Variants in KCNT2 observed in about 807,000 individuals in gnomAD.
KCNT2 encodes potassium channel subfamily T member 2.
KCNT2 carries 67 observed loss-of-function variants against 153.8 expected under a neutral mutation model. The observed-to-expected ratio is 0.44, with a 90% CI of 0.36 to 0.53. KCNT2 has a LOEUF of 0.53. KCNT2 is among the 20% of genes least tolerant of loss of function. KCNT2 has a pLI of 0.00. For missense variants in KCNT2, 975 were observed against 1,354.8 expected (o/e 0.72, Z 4.40); for synonymous variants, 500 against 458.8 (o/e 1.09, Z -1.15).
Position 196,454,885 on chromosome 1 carries a change from AG to A in KCNT2, c.638+10407del, listed in dbSNP as rs1306735118. Among the ~76,000 whole-genome samples the A allele has an allele frequency of 3.3e-5, 5 of 152,050 alleles. No individual in the cohort carries two copies. In the East Asian group the frequency reaches 7.8e-4, roughly 24 times the overall value. On this transcript the variant is annotated intron_variant, in intron 8 of 27. Coordinates refer to ENST00000294725, the MANE Select transcript of KCNT2 (RefSeq NM_198503.5). ...CAAGGCAGAAATCAAGGTGTTGACC[AG>A]CCCAGGCTCACTACTAGAAGCTCTA...
chr1:196,242,970 G>A (rs1244257849), intron 26 of KCNT2, among the ~76,000 whole-genome samples: 2 of 152,140 alleles, frequency 1.3e-5, no homozygotes, highest in Non-Finnish European at 2.9e-5. Flanking sequence ...CACATTCAAT[G>A]AGTTTTGACA....
At chr1:196,470,672 A>C (rs577093930) in intron 5 of KCNT2, among the ~76,000 whole-genome samples, 2 of 152,238 alleles carry the variant, frequency 1.3e-5, no homozygotes, top group Admixed American at 1.3e-4. Context: ...CCAGTCAGGC[A>C]ACTTCAACCC....
intron 23 of KCNT2, among the ~76,000 whole-genome samples, chr1:196,283,973 G>A (rs1659377769): frequency 6.6e-6 from 1 of 151,524 alleles, no homozygotes; most frequent in African/African-American, 2.4e-5. Context: ...GCTCACACCT[G>A]TAATCTCAGC....
chr1:196,491,252 T>C (rs960496215), intron 2 of KCNT2, among the ~76,000 whole-genome samples: 5 of 152,040 alleles, frequency 3.3e-5, no homozygotes, highest in African/African-American at 1.2e-4. Flanking sequence ...GGGGCTTCCT[T>C]GGATATTCTG....
At chr1:196,420,714 T>A (rs1173023389) in intron 12 of KCNT2, among the ~76,000 whole-genome samples, 3 of 152,008 alleles carry the variant, frequency 2.0e-5, no homozygotes, top group South Asian at 2.1e-4. Flanking sequence ...TCAATAGAGA[T>A]ATGGACCAGG....
In KCNT2 at chr1:196,232,732, T is replaced by C. The variant is rs955315938; in HGVS notation, c.3296+3254A>G. 8.6e-5 allele frequency among the ~76,000 whole-genome samples: 13 copies of C among 151,512 alleles called. No homozygotes were observed. The South Asian group carries it at 1.2e-3, about 14-fold the overall frequency. ...GTGACATACATATTTTATTCATAAG[T>C]AAAAAGATTAAACATCATTTGAAAT... On this transcript the variant is annotated intron_variant, in intron 27 of 27. Transcript: ENST00000294725.
rs199836975 is a variant in KCNT2, at chr1:196,570,067, T to TAAAAAAAAAAAAAAA, written c.95+38133_95+38147dup. Among the ~76,000 whole-genome samples, 146 of 133,684 alleles carry TAAAAAAAAAAAAAAA rather than the reference T, an allele frequency of 1.1e-3. 7 individuals are homozygous for TAAAAAAAAAAAAAAA. The highest frequency in any genetic ancestry group is 3.7e-3 in the African/African-American group (101 of 27,538). The allele number at this position is 133,684 out of a possible 152,430, so 87.7% of individuals were successfully genotyped here. ...TGAGTCCAGGAAGCTTGAGCTAGAG[T>TAAAAAAAAAAAAAAA]AAAAAAAAAAAAAAAAAAAAAAAAA... On this transcript the variant is annotated intron_variant, in intron 1 of 27. Coordinates refer to ENST00000294725, the MANE Select transcript of KCNT2 (RefSeq NM_198503.5).
At chr1:196,540,893 TG>T (rs1656267516) in intron 1 of KCNT2, among the ~76,000 whole-genome samples, 1 of 151,778 alleles carries the variant, frequency 6.6e-6, no homozygotes, top group South Asian at 2.1e-4. Flanking sequence ...GGTGAAACCC[TG>T]TCTCTACTAA....
In KCNT2 at chr1:196,252,952, G is replaced by T. The variant is rs894699907; in HGVS notation, c.3211+5242C>A. On this transcript the variant is annotated intron_variant, in intron 26 of 27. Transcript: ENST00000294725. Reference sequence around the variant, plus strand: ...ACCTATATTCCTCATTCATAAAGTGGTTTTTTCCTCTAGCCCTTTTGAAAC... The same window carrying T: ...ACCTATATTCCTCATTCATAAAGTGTTTTTTTCCTCTAGCCCTTTTGAAAC... Among the ~76,000 whole-genome samples, 7 of 150,854 alleles carry T rather than the reference G, an allele frequency of 4.6e-5. No homozygotes were observed. In the East Asian group the frequency reaches 5.8e-4, roughly 13 times the overall value.
intron 13 of KCNT2, among the ~76,000 whole-genome samples, chr1:196,375,765 C>T (rs1668910511): frequency 6.6e-6 from 1 of 151,456 alleles, no homozygotes; most frequent in Non-Finnish European, 1.5e-5. Flanking sequence ...AAAGAGAGTA[C>T]TGGATCAGAG....
intron 8 of KCNT2, among the ~76,000 whole-genome samples, chr1:196,436,060 A>C (rs1482025614): frequency 2.0e-5 from 3 of 151,692 alleles, no homozygotes; most frequent in East Asian, 1.9e-4. Flanking sequence ...TTTATTTTAC[A>C]AAATGATACT....
intron 8 of KCNT2, 137 bp downstream of exon 8, chr1:196,465,156 G>A (rs983431251): frequency 1.0e-5 from 6 of 575,406 alleles, no homozygotes; most frequent in East Asian, 2.9e-5. Context: ...TTCTGTAGGC[G>A]ATCTGTTACA....
chr1:196,296,600 G>A (rs1260337008), intron 22 of KCNT2, among the ~76,000 whole-genome samples: 2 of 152,006 alleles, frequency 1.3e-5, no homozygotes, highest in African/African-American at 4.8e-5. Context: ...TATAATGACA[G>A]CATTCAGCAC....
At chr1:196,442,485 A>G (rs1035095540) in intron 8 of KCNT2, among the ~76,000 whole-genome samples, 5 of 151,772 alleles carry the variant, frequency 3.3e-5, no homozygotes, top group Non-Finnish European at 1.5e-5. Context: ...AATAATAGCT[A>G]ATGTACATGT....
At chr1:196,565,706 T>C (rs1383861060) in intron 1 of KCNT2, among the ~76,000 whole-genome samples, 1 of 151,460 alleles carries the variant, frequency 6.6e-6, no homozygotes, top group African/African-American at 2.4e-5. Flanking sequence ...TTAAGTGAAA[T>C]AAGCCAAACA....
intron 8 of KCNT2, among the ~76,000 whole-genome samples, chr1:196,457,214 C>CA (rs1285889702): frequency 2.0e-5 from 3 of 151,164 alleles, no homozygotes; most frequent in African/African-American, 7.3e-5. Flanking sequence ...CTCTTACCCA[C>CA]AAAAAAACAC....
chr1:196,264,659 G>T (rs1012877878), intron 25 of KCNT2, among the ~76,000 whole-genome samples: 15 of 151,724 alleles, frequency 9.9e-5, no homozygotes, highest in Non-Finnish European at 1.8e-4. Flanking sequence ...TTAAGACAGG[G>T]TCTTGCTCTG....
intron 11 of KCNT2, among the ~76,000 whole-genome samples, chr1:196,425,174 G>T (rs1440304081): frequency 1.3e-5 from 2 of 151,910 alleles, no homozygotes; most frequent in Non-Finnish European, 2.9e-5. Flanking sequence ...TGTTTCTGTG[G>T]TGTCCACGCT....
intron 1 of KCNT2, among the ~76,000 whole-genome samples, chr1:196,539,024 T>C (rs978620575): frequency 6.6e-6 from 1 of 152,218 alleles, no homozygotes; most frequent in Non-Finnish European, 1.5e-5. Flanking sequence ...TTATATTTTG[T>C]CTAAACAATG....
Sources: allele counts gnomAD v4.1 joint callset (sites outside exome capture counted in the v4.1 genomes callset), GRCh38; gene constraint gnomAD v4.1.1; transcripts MANE v1.5; gene names NCBI Gene and HGNC (gene_info 2026-07-23, HGNC 2026-07-21).